The following HOXB1 variants were observed in gnomAD, a reference collection of about 807,000 sequenced individuals.
HOXB1 encodes the protein homeobox protein Hox-B1.
A neutral mutation model predicts 26.9 loss-of-function variants in HOXB1; 13 were observed. The ratio of observed to expected loss-of-function variants is 0.48; its 90% CI spans 0.31 to 0.77. The LOEUF (loss-of-function observed/expected upper bound fraction) is 0.77, where lower values mean the gene tolerates loss of function less well. Among genes scored for constraint, HOXB1 ranks in the 30% least tolerant of loss-of-function variants. The pLI is 0.04. For missense variants in HOXB1, 366 were observed against 403.6 expected, an observed-to-expected ratio of 0.91 and a Z score of 0.80; for synonymous variants, 168 against 170.8, an observed-to-expected ratio of 0.98 and a Z score of 0.13.
In HOXB1 at chr17:48,530,153, G is replaced by T. The variant is rs752850877; in HGVS notation, c.577+175C>A. 2 of 651,696 alleles carry T rather than the reference G, an allele frequency of 3.1e-6. No individual in the cohort carries two copies. Among genetic ancestry groups the T allele is most frequent in the Admixed American group, 2.8e-5 (1 of 35,652 alleles). 40.4% of individuals were successfully genotyped at this position (651,696 alleles called of 1,614,324 possible). On this transcript the variant is annotated intron_variant, in intron 1 of 1. Coordinates refer to ENST00000239174, the MANE Select transcript of HOXB1 (RefSeq NM_002144.4). The surrounding 1 kb of genome is among the most constrained non-coding windows in gnomAD (Gnocchi z 6.2). ...ATGGAAACTTACTCCTGGGGTGACC[G>T]GTTACATACTGGGTGGGGAGACCTC...
At position 48,530,596 on chromosome 17, in the gene HOXB1, T is replaced by C. The variant is rs12939811; in HGVS notation, c.309A>G (p.Gln103=). ...YGPSQYYPLG[Q]SEGDGGYFHP... ...GAAAATAGCCTCCGTCTCCTTCTGA[T>C]TGACCCAGAGGGTAGTACTGAGAAG... Residue 103 remains glutamine (Q), a synonymous_variant, in exon 1 of 2, where the codon CAA becomes CAG. Coordinates refer to ENST00000239174, the MANE Select transcript of HOXB1 (RefSeq NM_002144.4). This position sits in a 1 kb window ranked among gnomAD's most constrained non-coding sequence, Gnocchi z 6.2. 5.6e-6 allele frequency: 9 copies of C among 1,613,874 alleles called. No individual in the cohort carries two copies. In the South Asian group the frequency reaches 6.6e-5, roughly 12 times the overall value.
At position 48,530,793 on chromosome 17, in the gene HOXB1, C is replaced by G. The variant is rs1401294051; in HGVS notation, c.112G>C (p.Ala38Pro). The G allele has an allele frequency of 6.2e-7, 1 of 1,606,340 alleles. No homozygotes were observed. The highest frequency in any genetic ancestry group is 1.3e-5 in the African/African-American group (1 of 74,738). Residue 38 changes from alanine (A) to proline (P), a missense_variant, in exon 1 of 2, where the codon GCG (alanine) becomes CCG (proline). By Grantham distance (27) the Ala-to-Pro change is conservative. Transcript: ENST00000239174. The surrounding 1 kb of genome is among the most constrained non-coding windows in gnomAD (Gnocchi z 6.2). Reference protein sequence around the residue: ...PTSFPPSSAQAVDSYASEGRY... With the variant: ...PTSFPPSSAQPVDSYASEGRY... ...CCCTCGCTTGCATAGCTGTCAACCG[C>G]CTGAGCCGAGCTTGGGGGAAAGGAG...
chr17:48,529,700 G>A lies in HOXB1; in HGVS notation c.753C>T (p.Phe251=). ...TCTTCTGCTTCATTCGTCGGTTCTG[G>A]AACCAAATCTTGACCTGTGTTTCAT... The part of the protein sequence containing the change: ...ELNETQVKIW[F]QNRRMKQKKR... The change falls in exon 2 of 2, where the codon TTC becomes TTT. Residue 251 remains phenylalanine (F), a synonymous_variant. Coordinates refer to ENST00000239174, the MANE Select transcript of HOXB1 (RefSeq NM_002144.4). The A allele has an allele frequency of 6.2e-7, 1 of 1,613,334 alleles. No homozygotes were observed.
chr17:48,530,175 C>T lies in HOXB1; in HGVS notation c.577+153G>A. On this transcript the variant is annotated intron_variant, in intron 1 of 1. Coordinates refer to ENST00000239174, the MANE Select transcript of HOXB1 (RefSeq NM_002144.4). The surrounding 1 kb of genome is among the most constrained non-coding windows in gnomAD (Gnocchi z 6.2). ...ACCGGTTACATACTGGGTGGGGAGACCTCACCTGACCTGAGACGTAGGTTG... is the reference window on the plus strand; with the variant it reads ...ACCGGTTACATACTGGGTGGGGAGATCTCACCTGACCTGAGACGTAGGTTG... 1 of 700,144 alleles carries T rather than the reference C, an allele frequency of 1.4e-6. No individual in the cohort carries two copies. The highest frequency in any genetic ancestry group is 2.5e-6 in the Non-Finnish European group (1 of 406,128). 43.4% of individuals were successfully genotyped at this position (700,144 alleles called of 1,614,324 possible).
In HOXB1 at chr17:48,529,280, A is replaced by C. The variant is rs2068417636; in HGVS notation, c.*267T>G. On this transcript the variant is annotated 3_prime_UTR_variant, in exon 2 of 2. Transcript: ENST00000239174. ...ACATGTTGACACTGAGCTGATCCCC[A>C]GATCAAAGGCAGAAGCCCTTCCCTC... 3.0e-6 allele frequency: 1 copy of C among 335,062 alleles called. No individual in the cohort carries two copies. The highest frequency in any genetic ancestry group is 5.4e-6 in the Non-Finnish European group (1 of 185,334). The allele number at this position is 335,062 out of a possible 1,614,324, so 20.8% of individuals were successfully genotyped here.
Position 48,529,400 on chromosome 17 carries a change from AC to A in HOXB1, c.*146del, listed in dbSNP as rs2068418416. Reference sequence around the variant, plus strand: ...AAAATGTTTCCCCATCCCCCCTCCCACCCCCAGGCAGCTCTAAACTGGCATT... The same window carrying A: ...AAAATGTTTCCCCATCCCCCCTCCCACCCCAGGCAGCTCTAAACTGGCATT... On this transcript the variant is annotated 3_prime_UTR_variant, in exon 2 of 2. Coordinates refer to ENST00000239174, the MANE Select transcript of HOXB1 (RefSeq NM_002144.4). 2.2e-6 allele frequency: 1 copy of A among 456,382 alleles called. No individual in the cohort carries two copies. Among genetic ancestry groups the A allele is most frequent in the Non-Finnish European group, 3.7e-6 (1 of 272,914 alleles). The allele number at this position is 456,382 out of a possible 1,614,324, so 28.3% of individuals were successfully genotyped here. A position where few individuals can be genotyped will look rare whatever the true frequency, so the allele number is the denominator to read the frequency against.
chr17:48,530,391 G>A lies in HOXB1; in HGVS notation c.514C>T (p.Pro172Ser), dbSNP rs1396834936. The change falls in exon 1 of 2, where the codon CCT becomes TCT. Residue 172 changes from proline (P) to serine (S), a missense_variant. Transcript: ENST00000239174. This position sits in a 1 kb window ranked among gnomAD's most constrained non-coding sequence, Gnocchi z 6.2. Reference sequence around the variant, plus strand: ...AAGGTCCGGGCCGTGGGGGTGTTAGGTTCTGAAGGGCAGGGTGTTTCCTTG... The same window carrying A: ...AAGGTCCGGGCCGTGGGGGTGTTAGATTCTGAAGGGCAGGGTGTTTCCTTG... ...EDKETPCPSE[P>S]NTPTARTFDW... is the part of the protein sequence containing the mutation. 1.9e-6 allele frequency: 3 copies of A among 1,614,034 alleles called. No homozygotes were observed. The highest frequency in any genetic ancestry group is 2.5e-6 in the Non-Finnish European group (3 of 1,180,024).
At position 48,529,498 on chromosome 17, in the gene HOXB1, G is replaced by C. The variant is rs202075841; in HGVS notation, c.*49C>G. On this transcript the variant is annotated 3_prime_UTR_variant, in exon 2 of 2. Transcript: ENST00000239174. The stretch of plus-strand genomic sequence containing the variant: ...TTGGGGAGAGCCTGGGATAGGGCTG[G>C]ACTGGGGCGCTCCAGTGCCTGGAAG... The C allele has an allele frequency of 7.0e-7, 1 of 1,422,670 alleles. No individual in the cohort carries two copies. The highest frequency in any genetic ancestry group is 2.3e-5 in the East Asian group (1 of 42,824). 88.1% of individuals were successfully genotyped at this position (1,422,670 alleles called of 1,614,324 possible).
At position 48,529,657 on chromosome 17, in the gene HOXB1, C is replaced by G. The variant is rs1396433565; in HGVS notation, c.796G>C (p.Gly266Arg). The G allele has an allele frequency of 3.1e-6, 5 of 1,610,050 alleles. No individual in the cohort carries two copies. The highest frequency in any genetic ancestry group is 3.4e-6 in the Non-Finnish European group (4 of 1,176,862). The change falls in exon 2 of 2, where the codon GGT becomes CGT. Residue 266 changes from glycine to arginine, a missense_variant. Transcript: ENST00000239174. ...MKQKKREREE[G>R]RVPPAPPGCP... ...CCTGGTGGGGCTGGGGGGACCCGAC[C>G]TTCCTCTCGCTCGCGCTTCTTCTGC...
At position 48,530,553 on chromosome 17, in the gene HOXB1, C is replaced by A; in HGVS notation, c.352G>T (p.Ala118Ser). ...GGYFHPSSYG[A>S]QLGGLSDGYG... ...CCATCGGACAAGCCCCCTAGCTGGG[C>A]CCCGTAGCTCGAGGGATGAAAATAG... Residue 118 changes from alanine to serine, a missense_variant, in exon 1 of 2, where the codon GCC (alanine) becomes TCC (serine). By Grantham distance (99) the Ala-to-Ser change is moderately conservative. Coordinates refer to ENST00000239174, the MANE Select transcript of HOXB1 (RefSeq NM_002144.4). The surrounding 1 kb of genome is among the most constrained non-coding windows in gnomAD (Gnocchi z 6.2). 6.2e-7 allele frequency: 1 copy of A among 1,614,134 alleles called. No individual in the cohort carries two copies. Among genetic ancestry groups the A allele is most frequent in the Non-Finnish European group, 8.5e-7 (1 of 1,180,004 alleles).
rs549417479 is a variant in HOXB1 at position 48,530,800 on chromosome 17, C to T, written c.105G>A (p.Ser35=). ...TTGCATAGCTGTCAACCGCCTGAGC[C>T]GAGCTTGGGGGAAAGGAGGTTGGGG... ...HSAPTSFPPS[S]AQAVDSYASE... is the part of the protein sequence containing the mutation. The change falls in exon 1 of 2, where the codon TCG becomes TCA. Residue 35 remains serine, a synonymous_variant. Transcript: ENST00000239174. This position sits in a 1 kb window ranked among gnomAD's most constrained non-coding sequence, Gnocchi z 6.2. 5 of 1,604,336 alleles carry T rather than the reference C, an allele frequency of 3.1e-6. No homozygotes were observed. Among genetic ancestry groups the T allele is most frequent in the Non-Finnish European group, 4.3e-6 (5 of 1,175,442 alleles).
Position 48,529,792 on chromosome 17 carries a change from C to T in HOXB1, c.661G>A (p.Glu221Lys), listed in dbSNP as rs776236487. The T allele has an allele frequency of 1.2e-6, 2 of 1,604,528 alleles. No individual in the cohort carries two copies. The highest frequency in any genetic ancestry group is 1.7e-6 in the Non-Finnish European group (2 of 1,179,824). Residue 221 changes from glutamate to lysine, a missense_variant, in exon 2 of 2, where the codon GAG becomes AAG. By Grantham distance (56) the Glu-to-Lys change is moderately conservative (BLOSUM62 1). Transcript: ENST00000239174. ...CTCAGGTACTTGTTGAAATGGAACTCCTTTTCCAGTTCTGTCAGCTGCCTT... is the reference window on the plus strand; with the variant it reads ...CTCAGGTACTTGTTGAAATGGAACTTCTTTTCCAGTTCTGTCAGCTGCCTT... Reference protein sequence around the residue: ...TTRQLTELEKEFHFNKYLSRA... With the variant: ...TTRQLTELEKKFHFNKYLSRA...
chr17:48,530,297 C>T lies in HOXB1; in HGVS notation c.577+31G>A, dbSNP rs996157823. 3.2e-6 allele frequency: 5 copies of T among 1,580,272 alleles called. No homozygotes were observed. The highest frequency in any genetic ancestry group is 2.3e-5 in the East Asian group (1 of 44,350). ...GGGGAAGCAGAGATGCTTTGGGCCC[C>T]GGAGAAGGGGTGGCCACATCTGAGC... On this transcript the variant is annotated intron_variant, in intron 1 of 1. Coordinates refer to ENST00000239174, the MANE Select transcript of HOXB1 (RefSeq NM_002144.4). The surrounding 1 kb of genome is among the most constrained non-coding windows in gnomAD (Gnocchi z 6.2).
rs1026719724 is a variant in HOXB1, at chr17:48,530,585, T to C, written c.320A>G (p.Asp107Gly). The C allele has an allele frequency of 1.2e-6, 2 of 1,614,012 alleles. No homozygotes were observed. The highest frequency in any genetic ancestry group is 1.7e-6 in the Non-Finnish European group (2 of 1,180,000). The change falls in exon 1 of 2, where the codon GAC becomes GGC. Residue 107 changes from aspartate to glycine, a missense_variant. Coordinates refer to ENST00000239174, the MANE Select transcript of HOXB1 (RefSeq NM_002144.4). This position sits in a 1 kb window ranked among gnomAD's most constrained non-coding sequence, Gnocchi z 6.2. Reference sequence around the variant, plus strand: ...GCTCGAGGGATGAAAATAGCCTCCGTCTCCTTCTGATTGACCCAGAGGGTA... The same window carrying C: ...GCTCGAGGGATGAAAATAGCCTCCGCCTCCTTCTGATTGACCCAGAGGGTA... ...QYYPLGQSEGDGGYFHPSSYG... is the reference protein window; with the variant it reads ...QYYPLGQSEGGGGYFHPSSYG...
In HOXB1 at chr17:48,529,300, T is replaced by TC. The variant is rs1296439639; in HGVS notation, c.*246dup. On this transcript the variant is annotated 3_prime_UTR_variant, in exon 2 of 2. Transcript: ENST00000239174. ...TCCCCAGATCAAAGGCAGAAGCCCT[T>TC]CCCTCTACATTTGACAGGTTCCATG... 2.7e-6 allele frequency: 1 copy of TC among 374,054 alleles called. No individual in the cohort carries two copies. Among genetic ancestry groups the TC allele is most frequent in the Non-Finnish European group, 4.8e-6 (1 of 209,106 alleles). 23.2% of individuals were successfully genotyped at this position (374,054 alleles called of 1,614,324 possible).
At chr17:48,529,998 G>A in intron 1 of HOXB1, 123 bp from the exon 2 acceptor site, 2 of 856,572 alleles carry the variant, frequency 2.3e-6, no homozygotes, top group Non-Finnish European at 3.6e-6. Flanking sequence ...AGTTGTCAAA[G>A]TTCCCAGGGA....
chr17:48,530,665 C>A lies in HOXB1; in HGVS notation c.240G>T (p.Ala80=). The change falls in exon 1 of 2, where the codon GCG becomes GCT. Residue 80 remains alanine, a synonymous_variant. Coordinates refer to ENST00000239174, the MANE Select transcript of HOXB1 (RefSeq NM_002144.4). This position sits in a 1 kb window ranked among gnomAD's most constrained non-coding sequence, Gnocchi z 6.2. ...STLGVPFPSS[A]PSGYAPAACS... ...AGGCGGCAGGAGCATACCCCGAGGG[C>A]GCGGAGCTGGGGAAGGGCACCCCCA... 1.9e-6 allele frequency: 3 copies of A among 1,613,638 alleles called. No homozygotes were observed. The South Asian group carries it at 3.3e-5, about 18-fold the overall frequency.
At position 48,530,291 on chromosome 17, in the gene HOXB1, G is replaced by C; in HGVS notation, c.577+37C>G. ...ACTGCAGGGGAAGCAGAGATGCTTTGGGCCCCGGAGAAGGGGTGGCCACAT... is the reference window on the plus strand; with the variant it reads ...ACTGCAGGGGAAGCAGAGATGCTTTCGGCCCCGGAGAAGGGGTGGCCACAT... On this transcript the variant is annotated intron_variant, in intron 1 of 1. Coordinates refer to ENST00000239174, the MANE Select transcript of HOXB1 (RefSeq NM_002144.4). This position sits in a 1 kb window ranked among gnomAD's most constrained non-coding sequence, Gnocchi z 6.2. The C allele has an allele frequency of 6.5e-7, 1 of 1,547,280 alleles. No individual in the cohort carries two copies. The highest frequency in any genetic ancestry group is 8.9e-7 in the Non-Finnish European group (1 of 1,126,430).
chr17:48,530,226 C>T lies in HOXB1; in HGVS notation c.577+102G>A, dbSNP rs1159455993. ...TGCTCTTACCTGTGTCTACCAGAGC[C>T]GCTGAAAGAGAAGAACCCAGCCCAG... On this transcript the variant is annotated intron_variant, in intron 1 of 1. Coordinates refer to ENST00000239174, the MANE Select transcript of HOXB1 (RefSeq NM_002144.4). This position sits in a 1 kb window ranked among gnomAD's most constrained non-coding sequence, Gnocchi z 6.2. The T allele has an allele frequency of 7.7e-6, 8 of 1,033,752 alleles. No individual in the cohort carries two copies. The highest frequency in any genetic ancestry group is 5.2e-5 in the East Asian group (2 of 38,626). The allele number at this position is 1,033,752 out of a possible 1,614,324, so 64.0% of individuals were successfully genotyped here.
Sources: gnomAD v4.1 joint callset for allele counts on GRCh38, gnomAD v4.1.1 for gene constraint, Gnocchi (gnomAD v3.1) non-coding constraint, MANE v1.5 for transcripts, NCBI Gene and HGNC (gene_info 2026-07-23, HGNC 2026-07-21) for gene names.